Variants in ADSL observed in about 807,000 individuals in gnomAD.
ADSL encodes adenylosuccinase.
A neutral mutation model predicts 62.1 loss-of-function variants in ADSL; 44 were observed. The observed-to-expected ratio is 0.71, with a 90% CI of 0.56 to 0.91. ADSL has a LOEUF of 0.91. Among genes scored for constraint, ADSL ranks in the 40% least tolerant of loss-of-function variants. The pLI is 0.00. For synonymous variants in ADSL, 198 were observed against 220.5 expected, an observed-to-expected ratio of 0.90 and a Z score of 0.90; for missense variants, 531 against 627.4, an observed-to-expected ratio of 0.85 and a Z score of 1.64.
intron 9 of ADSL, among the ~76,000 whole-genome samples, chr22:40,362,329 G>A (rs556525187): frequency 2.0e-5 from 3 of 152,322 alleles, no homozygotes; most frequent in South Asian, 2.1e-4. Flanking sequence ...CATAATCCAC[G>A]ATTTATCTCT....
Position 40,366,728 on chromosome 22 carries a change from G to T in ADSL, c.*206G>T. 1 of 546,042 alleles carries T rather than the reference G, an allele frequency of 1.8e-6. No individual in the cohort carries two copies. The allele number at this position is 546,042 out of a possible 1,614,324, so 33.8% of individuals were successfully genotyped here. On this transcript the variant is annotated 3_prime_UTR_variant, in exon 13 of 13. Coordinates refer to ENST00000623063, the MANE Select transcript of ADSL (RefSeq NM_000026.4). ...TTGAAGTTGACTCTGCTCTTGCATA[G>T]TAAATGTAGTTCATACTTGATCTCT... is the stretch of plus-strand genomic sequence containing the variant.
In ADSL at chr22:40,367,495, C is replaced by T. The variant is rs1351319188; in HGVS notation, c.*973C>T. On this transcript the variant is annotated 3_prime_UTR_variant, in exon 13 of 13. Coordinates refer to ENST00000623063, the MANE Select transcript of ADSL (RefSeq NM_000026.4). ...GTAAGCAAGTGCCATTGGACAAGAA[C>T]GTTGTCTGTGTCATTCCTTGTTGTA... 5 of 167,742 alleles carry T rather than the reference C, an allele frequency of 3.0e-5. No individual in the cohort carries two copies. Among genetic ancestry groups the T allele is most frequent in the Non-Finnish European group, 7.3e-5 (5 of 68,270 alleles). The allele number at this position is 167,742 out of a possible 1,614,324, so 10.4% of individuals were successfully genotyped here. A position where few individuals can be genotyped will look rare whatever the true frequency, so the allele number is the denominator to read the frequency against.
rs747831735 is a variant in ADSL, at chr22:40,362,980, G to A, written c.1011-1G>A. ...ATACTGAATGGCTATTTGTTTTCTA[G>A]ACGGATCTGTTTGGCCGAGGCATTT... On this transcript the variant is annotated splice_acceptor_variant, in intron 9 of 12. Coordinates refer to ENST00000623063, the MANE Select transcript of ADSL (RefSeq NM_000026.4). LOFTEE classifies it high-confidence loss of function. The A allele has an allele frequency of 6.2e-7, 1 of 1,612,862 alleles. No individual in the cohort carries two copies. The highest frequency in any genetic ancestry group is 1.7e-5 in the Admixed American group (1 of 60,022).
At chr22:40,386,562 C>CTTTTTTTTTT (rs60319316) in intron 2 of ADSL, among the ~76,000 whole-genome samples, 1 of 68,366 alleles carries the variant, frequency 1.5e-5, no homozygotes, top group Non-Finnish European at 2.7e-5. Context: ...AATTTTCTTA[C>CTTTTTTTTTT]TTTTTTTTTT....
intron 2 of ADSL, among the ~76,000 whole-genome samples, chr22:40,375,548 C>G (rs2046402967): frequency 6.6e-6 from 1 of 151,564 alleles, no homozygotes; most frequent in Non-Finnish European, 1.5e-5. Context: ...TCATTGCACT[C>G]CAGCCTGGGT....
chr22:40,359,061 A>G (rs373084275), intron 5 of ADSL, 26 bp downstream of exon 5: 348 of 1,613,378 alleles, frequency 2.2e-4, no homozygotes, highest in Non-Finnish European at 2.8e-4. Context: ...CCTGCAGGAC[A>G]CAGAAACTCA....
chr22:40,369,693 C>T (rs56329979), downstream of ADSL, among the ~76,000 whole-genome samples: 3,389 of 151,878 alleles, frequency 0.022, 123 homozygotes, highest in African/African-American at 0.078. Context: ...TTTGTAGAGA[C>T]AGGGTCTCAC....
chr22:40,351,690 ATTTT>A (rs1285592818), intron 2 of ADSL, among the ~76,000 whole-genome samples: 2 of 152,078 alleles, frequency 1.3e-5, no homozygotes, highest in Non-Finnish European at 2.9e-5. Context: ...TAAGCCAGTA[ATTTT>A]TAAGTTGCCT....
chr22:40,366,361 C>G (rs763071726), intron 12 of ADSL, 75 bp from the exon 13 acceptor site: 3 of 1,074,774 alleles, frequency 2.8e-6, no homozygotes, highest in Admixed American at 1.8e-5. Context: ...AGTGGTATCC[C>G]CTGACATTGG....
chr22:40,360,740 G>A (rs761525385), intron 7 of ADSL, among the ~76,000 whole-genome samples: 2 of 117,198 alleles, frequency 1.7e-5, no homozygotes, highest in African/African-American at 3.3e-5. Flanking sequence ...TTTTTTTTTC[G>A]AGATGGAGTT....
chr22:40,363,778 T>A (rs2044886988), intron 10 of ADSL, among the ~76,000 whole-genome samples: 1 of 151,732 alleles, frequency 6.6e-6, no homozygotes, highest in African/African-American at 2.4e-5. Context: ...CAACTTTTTT[T>A]AAGTTAATAT....
At chr22:40,382,712 C>T (rs1468993345) in intron 2 of ADSL, among the ~76,000 whole-genome samples, 3 of 152,210 alleles carry the variant, frequency 2.0e-5, no homozygotes, top group Non-Finnish European at 4.4e-5. Flanking sequence ...AGTTTCGTCA[C>T]ATTTGAAGAA....
At position 40,361,326 on chromosome 22, in the gene ADSL, T is replaced by C. The variant is rs2044778984; in HGVS notation, c.846T>C (p.Phe282=). ...LANLKEMEEP[F]EKQQIGSSAM... ...ACCTCAAGGAGATGGAGGAACCCTT[T>C]GAAAAACAGCAGATTGGTGAGTGCT... is the stretch of plus-strand genomic sequence containing the variant. Residue 282 remains phenylalanine (F), a synonymous_variant, in exon 8 of 13, where the codon TTT becomes TTC. Coordinates refer to ENST00000623063, the MANE Select transcript of ADSL (RefSeq NM_000026.4). 1 of 1,614,178 alleles carries C rather than the reference T, an allele frequency of 6.2e-7. No individual in the cohort carries two copies. The highest frequency in any genetic ancestry group is 2.2e-5 in the East Asian group (1 of 44,876).
chr22:40,348,868 C>G (rs1459131653), intron 1 of ADSL: 1 of 333,422 alleles, frequency 3.0e-6, no homozygotes, highest in Non-Finnish European at 5.4e-6. Context: ...ATCTAAGTTC[C>G]GAGCTGCCTG....
chr22:40,363,087 T>G lies in ADSL; in HGVS notation c.1101+16T>G. The G allele has an allele frequency of 6.2e-7, 1 of 1,608,906 alleles. No individual in the cohort carries two copies. The highest frequency in any genetic ancestry group is 8.5e-7 in the Non-Finnish European group (1 of 1,175,422). ...GTACCCCAAAGTAAGAAGCCTCAAT[T>G]CAAAAGTAAAGTACTAGGGAGGGGT... On this transcript the variant is annotated intron_variant, in intron 10 of 12. Transcript: ENST00000623063.
intron 2 of ADSL, among the ~76,000 whole-genome samples, chr22:40,382,956 A>G (rs1047675641): frequency 3.9e-5 from 6 of 152,252 alleles, no homozygotes; most frequent in Non-Finnish European, 7.3e-5. Context: ...CACTGTATAA[A>G]GGTGAAGGTA....
chr22:40,370,807 C>G (rs1012324046), downstream of ADSL: 1 of 152,168 alleles, frequency 6.6e-6, no homozygotes, highest in African/African-American at 2.4e-5. Flanking sequence ...GCCGAAGGCG[C>G]CCACGAGAGA....
chr22:40,348,724 A>G (rs2044236821), intron 1 of ADSL: 2 of 397,476 alleles, frequency 5.0e-6, no homozygotes, highest in Non-Finnish European at 8.9e-6. Flanking sequence ...TTAAATTTAA[A>G]TAGCCATATC....
At chr22:40,355,247 AT>A (rs1335786562) in intron 4 of ADSL, among the ~76,000 whole-genome samples, 1 of 151,970 alleles carries the variant, frequency 6.6e-6, no homozygotes, top group African/African-American at 2.4e-5. Context: ...GGTTCAAATG[AT>A]TCTCCCGCCT....
Sources: gnomAD v4.1 joint callset for allele counts (sites outside exome capture counted in the v4.1 genomes callset) on GRCh38, gnomAD v4.1.1 for gene constraint, MANE v1.5 for transcripts, NCBI Gene and HGNC (gene_info 2026-07-23, HGNC 2026-07-21) for gene names.